The following HYAL4 variants were observed in gnomAD, a reference collection of about 807,000 sequenced individuals.
HYAL4 encodes hyaluronidase-4.
In HYAL4, 37 loss-of-function variants were observed where a neutral mutation model predicts 35.2. That is an observed-to-expected ratio of 1.05 (90% CI 0.81 to 1.38). The LOEUF is 1.38. Ranked by LOEUF, HYAL4 falls within the 40% of genes most tolerant of loss-of-function variation. The pLI, the probability that HYAL4 is intolerant of heterozygous loss-of-function variation, is 0.00. For missense variants in HYAL4, 572 were observed against 572.4 expected, an observed-to-expected ratio of 1.00 and a Z score of 0.01; for synonymous variants, 198 against 203.2, an observed-to-expected ratio of 0.97 and a Z score of 0.22.
At chr7:123,807,704 G>A in the HYAL4 span, among the ~76,000 whole-genome samples, 2 of 150,846 alleles carry the variant, frequency 1.3e-5, no homozygotes, top group African/African-American at 4.9e-5. Flanking sequence ...GCCTCTCAAG[G>A]TGCTCAGCCT....
At chr7:123,834,617 T>C (rs1239695992) in intron 1 of HYAL4, among the ~76,000 whole-genome samples, 2 of 152,178 alleles carry the variant, frequency 1.3e-5, no homozygotes, top group Non-Finnish European at 1.5e-5. Context: ...CAGTACTATG[T>C]TGAAGAGAAA....
the HYAL4 span, among the ~76,000 whole-genome samples, chr7:123,768,570 G>A: frequency 4.3e-4 from 65 of 152,272 alleles, no homozygotes; most frequent in East Asian, 6.8e-3. Flanking sequence ...AAGGTAGGCC[G>A]ATTCATCAGT....
chr7:123,795,060 A>G, the HYAL4 span, among the ~76,000 whole-genome samples: 7 of 152,250 alleles, frequency 4.6e-5, no homozygotes, highest in Non-Finnish European at 1.0e-4. Flanking sequence ...GATGTGAGAC[A>G]TGGAGTCAAA....
At chr7:123,799,267 T>G in the HYAL4 span, among the ~76,000 whole-genome samples, 1 of 152,152 alleles carries the variant, frequency 6.6e-6, no homozygotes, top group Non-Finnish European at 1.5e-5. Flanking sequence ...GATTTCCCTT[T>G]AATTTTCTGG....
At chr7:123,816,539 G>C in the HYAL4 span, among the ~76,000 whole-genome samples, 1 of 152,130 alleles carries the variant, frequency 6.6e-6, no homozygotes, top group African/African-American at 2.4e-5. Context: ...GAGAAAATGG[G>C]AGAATGAGAT....
At chr7:123,832,352 T>C (rs1805896377) in intron 1 of HYAL4, among the ~76,000 whole-genome samples, 1 of 151,886 alleles carries the variant, frequency 6.6e-6, no homozygotes, top group Admixed American at 6.6e-5. Flanking sequence ...AGTTCTTTAG[T>C]GGTGATTTGT....
the HYAL4 span, among the ~76,000 whole-genome samples, chr7:123,784,445 A>T: frequency 4.6e-3 from 694 of 152,342 alleles, 6 homozygotes; most frequent in African/African-American, 0.015. Context: ...GGAAAACAGA[A>T]GTTTAGAGGC....
At chr7:123,769,900 G>C in the HYAL4 span, among the ~76,000 whole-genome samples, 2 of 151,124 alleles carry the variant, frequency 1.3e-5, no homozygotes, top group South Asian at 4.2e-4. Flanking sequence ...AGGACTCGTG[G>C]ATTTCACAGA....
chr7:123,765,099 G>A, the HYAL4 span, among the ~76,000 whole-genome samples: 1 of 152,076 alleles, frequency 6.6e-6, no homozygotes, highest in Non-Finnish European at 1.5e-5. Flanking sequence ...GTCAGAATAT[G>A]TGTTAATTTT....
At chr7:123,779,588 A>C in the HYAL4 span, among the ~76,000 whole-genome samples, 573 of 152,280 alleles carry the variant, frequency 3.8e-3, 3 homozygotes, top group African/African-American at 0.013. Flanking sequence ...TTAATTATTG[A>C]AGCTGCATGA....
chr7:123,863,731 A>T (rs1467236248), intron 2 of HYAL4, among the ~76,000 whole-genome samples: 5 of 152,196 alleles, frequency 3.3e-5, no homozygotes, highest in Non-Finnish European at 5.9e-5. Context: ...CTGAGAGTAA[A>T]CTTGTCCAGA....
At chr7:123,766,374 T>C in the HYAL4 span, among the ~76,000 whole-genome samples, 2 of 152,196 alleles carry the variant, frequency 1.3e-5, no homozygotes, top group Admixed American at 1.3e-4. Context: ...TGTTTGCTAT[T>C]CAGCTACTTT....
chr7:123,826,982 A>G (rs1308886545), upstream of HYAL4, among the ~76,000 whole-genome samples: 2 of 152,166 alleles, frequency 1.3e-5, no homozygotes, highest in Non-Finnish European at 2.9e-5. Context: ...GAAGAGGGTC[A>G]GATTATGTTG....
At chr7:123,821,780 T>C in the HYAL4 span, among the ~76,000 whole-genome samples, 1 of 152,216 alleles carries the variant, frequency 6.6e-6, no homozygotes, top group East Asian at 1.9e-4. Context: ...GTATTCGGTC[T>C]AATGTTAAAT....
chr7:123,812,282 A>G, the HYAL4 span, among the ~76,000 whole-genome samples: 1 of 152,050 alleles, frequency 6.6e-6, no homozygotes, highest in African/African-American at 2.4e-5. Flanking sequence ...ATGTATTAGT[A>G]TATATATTTT....
intron 1 of HYAL4, among the ~76,000 whole-genome samples, chr7:123,832,777 G>A (rs555152119): frequency 2.0e-5 from 3 of 151,990 alleles, no homozygotes; most frequent in South Asian, 2.1e-4. Flanking sequence ...GAGCCACCGC[G>A]CCCAGCCTTT....
At chr7:123,814,116 T>C in the HYAL4 span, 2 of 152,342 alleles carry the variant, frequency 1.3e-5, no homozygotes, top group Admixed American at 1.3e-4. Flanking sequence ...AGGAGACTGC[T>C]GTAATGCTGA....
chr7:123,855,489 G>A (rs191085936), intron 2 of HYAL4, among the ~76,000 whole-genome samples: 1 of 152,066 alleles, frequency 6.6e-6, no homozygotes, highest in Non-Finnish European at 1.5e-5. Context: ...AAAATTCTGG[G>A]TTGAAAATTC....
chr7:123,866,064 C>T (rs148678042), intron 2 of HYAL4, among the ~76,000 whole-genome samples: 41 of 152,284 alleles, frequency 2.7e-4, no homozygotes, highest in African/African-American at 8.9e-4. Flanking sequence ...CCTGCCACCA[C>T]GTCCCTCCTA....
Sources: gnomAD v4.1 joint callset for allele counts (sites outside exome capture counted in the v4.1 genomes callset) on GRCh38, gnomAD v4.1.1 for gene constraint, MANE v1.5 for transcripts, NCBI Gene and HGNC (gene_info 2026-07-23, HGNC 2026-07-21) for gene names.